FAM13A: variants seen among roughly 807,000 people sequenced by gnomAD.
FAM13A encodes family with sequence similarity 13 member A.
A neutral mutation model predicts 129.6 loss-of-function variants in FAM13A; 76 were observed. The observed-to-expected ratio is 0.59, with a 90% CI of 0.49 to 0.71. FAM13A has a LOEUF of 0.71. FAM13A is among the 30% of genes least tolerant of loss of function. FAM13A has a pLI of 0.00. For synonymous variants in FAM13A, 443 were observed against 449.9 expected (o/e 0.98, Z 0.20); for missense variants, 1,108 against 1,249.3 (o/e 0.89, Z 1.70).
chr4:88,922,547 A>C (rs1751306442), intron 5 of FAM13A, among the ~76,000 whole-genome samples: 1 of 152,140 alleles, frequency 6.6e-6, no homozygotes, highest in Non-Finnish European at 1.5e-5. Flanking sequence ...GACACATTCA[A>C]AGCAGTGTGT....
chr4:88,817,517 C>A (rs577988919), intron 7 of FAM13A, among the ~76,000 whole-genome samples: 1 of 151,176 alleles, frequency 6.6e-6, no homozygotes, highest in Non-Finnish European at 1.5e-5. Flanking sequence ...GAGCCAAGAT[C>A]GTGCCACTGC....
At chr4:88,796,788 T>C (rs886441282) in intron 8 of FAM13A, among the ~76,000 whole-genome samples, 3 of 152,046 alleles carry the variant, frequency 2.0e-5, no homozygotes, top group African/African-American at 7.2e-5. Flanking sequence ...TGATTTGTTC[T>C]AGTATTGTTT....
chr4:88,863,372 C>G (rs146807193), intron 6 of FAM13A, among the ~76,000 whole-genome samples: 7 of 152,292 alleles, frequency 4.6e-5, no homozygotes, highest in African/African-American at 1.7e-4. Flanking sequence ...AGAAGGGGCA[C>G]TGAAGTTCTG....
At chr4:88,879,006 T>C (rs1175296865) in intron 6 of FAM13A, among the ~76,000 whole-genome samples, 1 of 152,226 alleles carries the variant, frequency 6.6e-6, no homozygotes, top group African/African-American at 2.4e-5. Context: ...AACTATATTC[T>C]AAACAGCATG....
chr4:88,749,333 C>T (rs1290577057), intron 16 of FAM13A, among the ~76,000 whole-genome samples: 1 of 152,136 alleles, frequency 6.6e-6, no homozygotes, highest in East Asian at 1.9e-4. Flanking sequence ...GTAAGACGAA[C>T]AGTGTAGAAA....
At chr4:88,750,659 A>G (rs200600164) in intron 14 of FAM13A, 22 bp from the exon 15 acceptor site, 1 of 1,586,286 alleles carries the variant, frequency 6.3e-7, no homozygotes, top group Non-Finnish European at 8.7e-7. Flanking sequence ...GGGCAGTAAG[A>G]TCAGGACTGT....
rs59620102 is a variant in FAM13A, at chr4:88,962,152, TA to T, written c.606-23912del. On this transcript the variant is annotated intron_variant, in intron 4 of 23. Coordinates refer to ENST00000264344, the MANE Select transcript of FAM13A (RefSeq NM_014883.4). ...ATTATTTGTCAATTTAAAAAATAAGTAAAAAAAAAAAATGAAATGAAATCTC... is the reference window on the plus strand; with the variant it reads ...ATTATTTGTCAATTTAAAAAATAAGTAAAAAAAAAAATGAAATGAAATCTC... 4.0e-3 allele frequency among the ~76,000 whole-genome samples: 566 copies of T among 140,778 alleles called. 1 individual carries two copies. The highest frequency in any genetic ancestry group is 7.1e-3 in the African/African-American group (274 of 38,434). The allele number at this position is 140,778 out of a possible 152,430, so 92.4% of individuals were successfully genotyped here. A position where few individuals can be genotyped will look rare whatever the true frequency, so the allele number is the denominator to read the frequency against.
chr4:89,024,798 C>T (rs902588960), intron 2 of FAM13A, among the ~76,000 whole-genome samples: 25 of 152,272 alleles, frequency 1.6e-4, no homozygotes, highest in African/African-American at 5.3e-4. Context: ...TGTTTGTCTA[C>T]GTAGTAATTA....
intron 4 of FAM13A, among the ~76,000 whole-genome samples, chr4:88,961,140 G>A (rs115357358): frequency 6.6e-6 from 1 of 152,078 alleles, no homozygotes; most frequent in African/African-American, 2.4e-5. Flanking sequence ...ATCAATAAAA[G>A]CCATAAAAGT....
intron 8 of FAM13A, among the ~76,000 whole-genome samples, chr4:88,799,539 C>T (rs1158012968): frequency 6.6e-6 from 1 of 151,554 alleles, no homozygotes; most frequent in Non-Finnish European, 1.5e-5. Flanking sequence ...GGCTGGAGTG[C>T]CATGGCACAA....
intron 4 of FAM13A, among the ~76,000 whole-genome samples, chr4:88,956,950 A>C (rs889027461): frequency 6.6e-6 from 1 of 152,222 alleles, no homozygotes; most frequent in African/African-American, 2.4e-5. Flanking sequence ...GATCATGAGA[A>C]CAGTTCCCTC....
At chr4:88,828,024 A>T (rs1364206986) in intron 7 of FAM13A, among the ~76,000 whole-genome samples, 2 of 152,184 alleles carry the variant, frequency 1.3e-5, no homozygotes, top group East Asian at 1.9e-4. Context: ...GAACTTTTCT[A>T]TCCTAAATAT....
intron 3 of FAM13A, among the ~76,000 whole-genome samples, chr4:89,015,941 A>C (rs1766423860): frequency 6.6e-6 from 1 of 152,192 alleles, no homozygotes; most frequent in Non-Finnish European, 1.5e-5. Flanking sequence ...TGTTAATTAT[A>C]ACACAGACTC....
chr4:89,025,245 GTTTTTTTTTTTTTTTT>G (rs56710705), intron 2 of FAM13A, among the ~76,000 whole-genome samples: 4 of 61,362 alleles, frequency 6.5e-5, no homozygotes, highest in African/African-American at 1.6e-4. Context: ...TGGAATCATT[GTTTTTTTTTTTTTTTT>G]TTTTTTTTTT....
intron 7 of FAM13A, among the ~76,000 whole-genome samples, chr4:88,835,333 T>A (rs57973162): frequency 0.07 from 10,648 of 152,144 alleles, 530 homozygotes; most frequent in African/African-American, 0.14. Flanking sequence ...GTCCATTCAG[T>A]GGATTTTCTC....
chr4:88,728,713 A>G (rs987837151), intron 23 of FAM13A, 54 bp from the exon 24 acceptor site: 36 of 1,595,956 alleles, frequency 2.3e-5, no homozygotes, highest in Non-Finnish European at 3.0e-5. Flanking sequence ...TCTTTGCTAG[A>G]TACTATTCAT....
chr4:88,987,697 C>A (rs1006329018), intron 4 of FAM13A, among the ~76,000 whole-genome samples: 3 of 151,726 alleles, frequency 2.0e-5, no homozygotes, highest in Admixed American at 2.0e-4. Flanking sequence ...AAAAAATTAG[C>A]CAGGCGTGGT....
intron 19 of FAM13A, among the ~76,000 whole-genome samples, chr4:88,740,023 A>G (rs1013688121): frequency 1.6e-4 from 24 of 152,150 alleles, no homozygotes; most frequent in Non-Finnish European, 1.2e-4. Context: ...ACTCCCTGGT[A>G]TAGTATTGGA....
intron 5 of FAM13A, among the ~76,000 whole-genome samples, chr4:88,927,613 T>C (rs1752420735): frequency 6.6e-6 from 1 of 152,082 alleles, no homozygotes; most frequent in African/African-American, 2.4e-5. Flanking sequence ...TAGGAATTTA[T>C]CTATTTCCTC....
Sources: allele counts gnomAD v4.1 joint callset (sites outside exome capture counted in the v4.1 genomes callset), GRCh38; gene constraint gnomAD v4.1.1; transcripts MANE v1.5; gene names NCBI Gene and HGNC (gene_info 2026-07-23, HGNC 2026-07-21).